The following JAKMIP1 variants were observed in gnomAD, a reference collection of about 807,000 sequenced individuals.
JAKMIP1 encodes janus kinase and microtubule interacting protein 1, also known as janus kinase and microtubule-interacting protein 1.
Under a neutral mutation model 113.0 loss-of-function variants are expected in JAKMIP1, and 33 were observed. The ratio of observed to expected loss-of-function variants is 0.29; its 90% CI spans 0.22 to 0.39. The LOEUF (loss-of-function observed/expected upper bound fraction) is 0.39, where lower values mean the gene tolerates loss of function less well. Among genes scored for constraint, JAKMIP1 ranks in the 10% least tolerant of loss-of-function variants. The probability of loss-of-function intolerance (pLI) is 1.00; values close to 1 mark genes in which losing one functional copy is unlikely to be tolerated. For missense variants in JAKMIP1, 813 were observed against 1,080.5 expected (o/e 0.75, Z 3.47); for synonymous variants, 480 against 459.9 (o/e 1.04, Z -0.56).
chr4:6,167,866 A>G lies in JAKMIP1; in HGVS notation c.-148+32387T>C, dbSNP rs1209330141. Among the ~76,000 whole-genome samples, 1 of 152,238 alleles carries G rather than the reference A, an allele frequency of 6.6e-6. No homozygotes were observed. Among genetic ancestry groups the G allele is most frequent in the African/African-American group, 2.4e-5 (1 of 41,460 alleles). On this transcript the variant is annotated intron_variant, in intron 1 of 20. Coordinates refer to ENST00000409021, the MANE Select transcript of JAKMIP1 (RefSeq NM_001099433.2). The surrounding 1 kb of genome is among the most constrained non-coding windows in gnomAD (Gnocchi z 5.3). Reference sequence around the variant, plus strand: ...TGAATGCTTCGGTTTAGAGCATGCCAGAAATCAGAGCTGGCTAGGACCAGT... The same window carrying G: ...TGAATGCTTCGGTTTAGAGCATGCCGGAAATCAGAGCTGGCTAGGACCAGT...
intron 3 of JAKMIP1, among the ~76,000 whole-genome samples, chr4:6,091,277 G>A (rs1722027189): frequency 6.6e-6 from 1 of 152,206 alleles, no homozygotes; most frequent in African/African-American, 2.4e-5. Context: ...GCACTGAAAT[G>A]GAAACGGAGC....
At chr4:6,152,092 CAG>C (rs904175034) in intron 1 of JAKMIP1, among the ~76,000 whole-genome samples, 4 of 148,008 alleles carry the variant, frequency 2.7e-5, no homozygotes, top group South Asian at 2.1e-4. Context: ...AAGAAAGAGA[CAG>C]GGGAAGGAAG....
chr4:6,031,199 G>A lies in JAKMIP1; in HGVS notation c.2380-1418C>T, dbSNP rs1291677466. Among the ~76,000 whole-genome samples, 3 of 152,162 alleles carry A rather than the reference G, an allele frequency of 2.0e-5. No homozygotes were observed. The highest frequency in any genetic ancestry group is 2.9e-5 in the Non-Finnish European group (2 of 68,040). On this transcript the variant is annotated intron_variant, in intron 19 of 20. Transcript: ENST00000409021. This position sits in a 1 kb window ranked among gnomAD's most constrained non-coding sequence, Gnocchi z 4.4. Reference sequence around the variant, plus strand: ...TGTAATCCCAGCACTTTTGGAGGCCGAGGCAGGTGGATCACCGGAGGTCAG... The same window carrying A: ...TGTAATCCCAGCACTTTTGGAGGCCAAGGCAGGTGGATCACCGGAGGTCAG...
At position 6,067,848 on chromosome 4, in the gene JAKMIP1, A is replaced by C. The variant is rs1718394373; in HGVS notation, c.1303-2840T>G. 6.6e-6 allele frequency among the ~76,000 whole-genome samples: 1 copy of C among 152,120 alleles called. No homozygotes were observed. The highest frequency in any genetic ancestry group is 2.4e-5 in the African/African-American group (1 of 41,408). On this transcript the variant is annotated intron_variant, in intron 8 of 20. Transcript: ENST00000409021. This position sits in a 1 kb window ranked among gnomAD's most constrained non-coding sequence, Gnocchi z 4.6. ...TTCACTCAAGCTCTTCTGCACACGCAGGTCACCCCCCTGAGCTCCACGTTC... is the reference window on the plus strand; with the variant it reads ...TTCACTCAAGCTCTTCTGCACACGCCGGTCACCCCCCTGAGCTCCACGTTC...
At chr4:6,145,340 G>C (rs1720708451) in intron 1 of JAKMIP1, among the ~76,000 whole-genome samples, 1 of 152,162 alleles carries the variant, frequency 6.6e-6, no homozygotes, top group African/African-American at 2.4e-5. Flanking sequence ...AAAGTAACCT[G>C]CCCAAGTCAC....
At chr4:6,063,954 C>A (rs979126362) in intron 9 of JAKMIP1, among the ~76,000 whole-genome samples, 3 of 152,214 alleles carry the variant, frequency 2.0e-5, no homozygotes, top group African/African-American at 7.2e-5. Context: ...CGAGGTAGCG[C>A]GATCCACCTG....
chr4:6,188,211 C>T lies in JAKMIP1; in HGVS notation c.-148+12042G>A, dbSNP rs1290232115. On this transcript the variant is annotated intron_variant, in intron 1 of 20. Coordinates refer to ENST00000409021, the MANE Select transcript of JAKMIP1 (RefSeq NM_001099433.2). This position sits in a 1 kb window ranked among gnomAD's most constrained non-coding sequence, Gnocchi z 5.8. ...GGAAGATTGGAAGTCTACAGCTTGA[C>T]CTTCTTACAAGGAGGCAGAATGGGG... Among the ~76,000 whole-genome samples the T allele has an allele frequency of 6.6e-6, 1 of 152,168 alleles. No homozygotes were observed. The highest frequency in any genetic ancestry group is 6.5e-5 in the Admixed American group (1 of 15,284).
intron 18 of JAKMIP1, among the ~76,000 whole-genome samples, chr4:6,038,220 A>G (rs57170001): frequency 2.7e-4 from 35 of 129,054 alleles, no homozygotes; most frequent in South Asian, 2.6e-4. Context: ...GAGGCTAACC[A>G]GTAGCCCTCC....
At chr4:6,043,406 G>A (rs538567352) in intron 16 of JAKMIP1, among the ~76,000 whole-genome samples, 46 of 152,048 alleles carry the variant, frequency 3.0e-4, no homozygotes, top group Non-Finnish European at 6.2e-4. Flanking sequence ...TGAGGTCCTG[G>A]AGCCCTGCCC....
In JAKMIP1 at chr4:6,094,388, G is replaced by T. The variant is rs1722521326; in HGVS notation, c.625-8759C>A. 6.6e-6 allele frequency among the ~76,000 whole-genome samples: 1 copy of T among 152,136 alleles called. No individual in the cohort carries two copies. The highest frequency in any genetic ancestry group is 2.4e-5 in the African/African-American group (1 of 41,436). On this transcript the variant is annotated intron_variant, in intron 3 of 20. Coordinates refer to ENST00000409021, the MANE Select transcript of JAKMIP1 (RefSeq NM_001099433.2). The surrounding 1 kb of genome is among the most constrained non-coding windows in gnomAD (Gnocchi z 4.2). ...AGGGCCACTGAGAAGGCCAGAAATG[G>T]GCCACTCCTACCCAACTGACAGGAG...
At position 6,142,402 on chromosome 4, in the gene JAKMIP1, T is replaced by C. The variant is rs1017026408; in HGVS notation, c.-147-29405A>G. ...CGTGTTCTGTCCTTCCCGAGTCCAG[T>C]GTTTTTTAAACGACTGGTTTTTGCA... On this transcript the variant is annotated intron_variant, in intron 1 of 20. Coordinates refer to ENST00000409021, the MANE Select transcript of JAKMIP1 (RefSeq NM_001099433.2). The surrounding 1 kb of genome is among the most constrained non-coding windows in gnomAD (Gnocchi z 5.5). Among the ~76,000 whole-genome samples the C allele has an allele frequency of 1.2e-4, 19 of 152,238 alleles. No individual in the cohort carries two copies. The highest frequency in any genetic ancestry group is 9.8e-4 in the Admixed American group (15 of 15,284).
Position 6,138,024 on chromosome 4 carries a change from A to C in JAKMIP1, c.-147-25027T>G, listed in dbSNP as rs1719511814. Among the ~76,000 whole-genome samples the C allele has an allele frequency of 6.6e-6, 1 of 152,154 alleles. No homozygotes were observed. The highest frequency in any genetic ancestry group is 6.5e-5 in the Admixed American group (1 of 15,282). On this transcript the variant is annotated intron_variant, in intron 1 of 20. Transcript: ENST00000409021. The surrounding 1 kb of genome is among the most constrained non-coding windows in gnomAD (Gnocchi z 6.0). ...CAATGCCCCAGCTCCCAGAGGTGGC[A>C]GAGGTGGCAGCTCCCGAGAGGCCAG...
intron 1 of JAKMIP1, among the ~76,000 whole-genome samples, chr4:6,126,679 C>G (rs530846717): frequency 2.4e-4 from 36 of 148,104 alleles, no homozygotes; most frequent in African/African-American, 8.5e-4. Context: ...CCACACACAC[C>G]CATACATACA....
chr4:6,172,047 C>T (rs1457823276), intron 1 of JAKMIP1, among the ~76,000 whole-genome samples: 1 of 152,214 alleles, frequency 6.6e-6, no homozygotes, highest in African/African-American at 2.4e-5. Context: ...GTTCCCTGGA[C>T]ACATCCCACA....
In JAKMIP1 at chr4:6,044,050, A is replaced by G. The variant is rs964066960; in HGVS notation, c.2029-1823T>C. ...AGCCCCAGGCCTTTAACAAGCTAGCATCACTCAGTCTTCAGGCCCTGAGCT... is the reference window on the plus strand; with the variant it reads ...AGCCCCAGGCCTTTAACAAGCTAGCGTCACTCAGTCTTCAGGCCCTGAGCT... On this transcript the variant is annotated intron_variant, in intron 16 of 20. Coordinates refer to ENST00000409021, the MANE Select transcript of JAKMIP1 (RefSeq NM_001099433.2). This position sits in a 1 kb window ranked among gnomAD's most constrained non-coding sequence, Gnocchi z 4.4. Among the ~76,000 whole-genome samples, 4 of 151,910 alleles carry G rather than the reference A, an allele frequency of 2.6e-5. No individual in the cohort carries two copies. The highest frequency in any genetic ancestry group is 5.9e-5 in the Non-Finnish European group (4 of 67,986).
intron 1 of JAKMIP1, among the ~76,000 whole-genome samples, chr4:6,170,670 C>G (rs994960890): frequency 3.3e-5 from 5 of 151,466 alleles, no homozygotes; most frequent in African/African-American, 7.3e-5. Flanking sequence ...ATCCCACCAC[C>G]CTTCTCACCT....
At position 6,140,357 on chromosome 4, in the gene JAKMIP1, C is replaced by A. The variant is rs1719949536; in HGVS notation, c.-147-27360G>T. Among the ~76,000 whole-genome samples, 1 of 151,668 alleles carries A rather than the reference C, an allele frequency of 6.6e-6. No individual in the cohort carries two copies. Among genetic ancestry groups the A allele is most frequent in the Non-Finnish European group, 1.5e-5 (1 of 67,984 alleles). ...ACCTGATGATGGGCCGACCATAAAT[C>A]CCCCCACGTGGCGAGGCTGGCTCAG... On this transcript the variant is annotated intron_variant, in intron 1 of 20. Transcript: ENST00000409021. The surrounding 1 kb of genome is among the most constrained non-coding windows in gnomAD (Gnocchi z 9.4).
Position 6,155,339 on chromosome 4 carries a change from C to T in JAKMIP1, c.-147-42342G>A, listed in dbSNP as rs1722103411. 6.6e-6 allele frequency among the ~76,000 whole-genome samples: 1 copy of T among 152,174 alleles called. No individual in the cohort carries two copies. Among genetic ancestry groups the T allele is most frequent in the South Asian group, 2.1e-4 (1 of 4,828 alleles). On this transcript the variant is annotated intron_variant, in intron 1 of 20. Transcript: ENST00000409021. This position sits in a 1 kb window ranked among gnomAD's most constrained non-coding sequence, Gnocchi z 6.1. The stretch of plus-strand genomic sequence containing the variant: ...CGCGAATGTTTACCCAGCCCTTATC[C>T]TGCGTCAGCTCTGCTCCAAGCACTT...
At chr4:6,126,151 T>C (rs1245420462) in intron 1 of JAKMIP1, among the ~76,000 whole-genome samples, 2 of 118,852 alleles carry the variant, frequency 1.7e-5, no homozygotes, top group African/African-American at 8.3e-5. Flanking sequence ...ACACACACCA[T>C]GCAGAAACAC....
Sources: allele counts gnomAD v4.1 joint callset (sites outside exome capture counted in the v4.1 genomes callset), GRCh38; gene constraint gnomAD v4.1.1; non-coding constraint Gnocchi (gnomAD v3.1); transcripts MANE v1.5; gene names NCBI Gene and HGNC (gene_info 2026-07-23, HGNC 2026-07-21).